The following RBM6 variants were observed in gnomAD, a reference collection of about 807,000 sequenced individuals.
RBM6 encodes RNA binding motif protein 6, also known as RNA-binding protein 6.
Under a neutral mutation model 140.4 loss-of-function variants are expected in RBM6, and 23 were observed. The ratio of observed to expected loss-of-function variants is 0.16; its 90% CI spans 0.12 to 0.23. The LOEUF (loss-of-function observed/expected upper bound fraction) is 0.23, where lower values mean the gene tolerates loss of function less well. Among genes scored for constraint, RBM6 ranks in the 10% least tolerant of loss-of-function variants. The pLI is 1.00. For missense variants in RBM6, 1,139 were observed against 1,386.7 expected (o/e 0.82, Z 2.84); for synonymous variants, 439 against 475.6 (o/e 0.92, Z 1.00).
intron 4 of RBM6, 103 bp from the exon 5 acceptor site, chr3:49,975,220 A>G: frequency 9.8e-7 from 1 of 1,024,186 alleles, no homozygotes; most frequent in South Asian, 1.3e-5. Flanking sequence ...TTCCAAAGTA[A>G]TCATGGCTTT....
intron 19 of RBM6, among the ~76,000 whole-genome samples, chr3:50,072,076 T>C (rs1197504312): frequency 1.8e-5 from 2 of 108,768 alleles, no homozygotes; most frequent in African/African-American, 3.7e-5. Context: ...AGAGCAAGAC[T>C]CTGTCTCAAA....
chr3:49,969,047 C>T (rs1294370901), intron 3 of RBM6, among the ~76,000 whole-genome samples: 4 of 149,134 alleles, frequency 2.7e-5, no homozygotes, highest in South Asian at 2.1e-4. Flanking sequence ...ATTTTTGAAA[C>T]GGAGTCTTGC....
chr3:50,057,604 A>G, intron 8 of RBM6, 124 bp from the exon 9 acceptor site: 3 of 534,232 alleles, frequency 5.6e-6, no homozygotes, highest in Non-Finnish European at 8.6e-6. Flanking sequence ...AAAAAAAAAA[A>G]AAAAAGGCAT....
At position 49,968,653 on chromosome 3, in the gene RBM6, G is replaced by T; in HGVS notation, c.1228G>T (p.Asp410Tyr). 1 of 1,614,104 alleles carries T rather than the reference G, an allele frequency of 6.2e-7. No individual in the cohort carries two copies. The highest frequency in any genetic ancestry group is 8.5e-7 in the Non-Finnish European group (1 of 1,180,016). Residue 410 changes from aspartate to tyrosine, a missense_variant, in exon 3 of 21, where the codon GAT becomes TAT. Transcript: ENST00000266022. ...CAGAAGCATGGAGTACCGTGATGTG[G>T]ATCATAGGCTGCCAGGAAGCCAGAT... is the stretch of plus-strand genomic sequence containing the variant. ...DYRSMEYRDV[D>Y]HRLPGSQMFG...
intron 6 of RBM6, among the ~76,000 whole-genome samples, chr3:50,041,942 A>T (rs776061591): frequency 6.6e-5 from 10 of 152,322 alleles, no homozygotes; most frequent in Admixed American, 2.6e-4. Flanking sequence ...AACAAAGACA[A>T]TATGGCAAAA....
At chr3:50,023,229 T>C (rs2087608800) in intron 6 of RBM6, among the ~76,000 whole-genome samples, 1 of 152,192 alleles carries the variant, frequency 6.6e-6, no homozygotes, top group Non-Finnish European at 1.5e-5. Flanking sequence ...TGCTTTCTTC[T>C]TCTTCTTTCT....
intron 5 of RBM6, among the ~76,000 whole-genome samples, chr3:49,977,398 C>T (rs1186981978): frequency 6.6e-6 from 1 of 152,202 alleles, no homozygotes; most frequent in Non-Finnish European, 1.5e-5. Flanking sequence ...TGTTTTCCAT[C>T]ATATCCTTGT....
At chr3:49,969,598 C>CTA (rs375281419) in intron 3 of RBM6, among the ~76,000 whole-genome samples, 34 of 147,930 alleles carry the variant, frequency 2.3e-4, no homozygotes, top group Non-Finnish European at 2.5e-4. Flanking sequence ...TATGAAGGAA[C>CTA]TATATATATA....
intron 1 of RBM6, among the ~76,000 whole-genome samples, chr3:49,942,294 C>T (rs11717829): frequency 0.079 from 11,642 of 147,720 alleles, 577 homozygotes; most frequent in Non-Finnish European, 0.1. Context: ...TCGAGACCAT[C>T]CTGGCTAACA....
chr3:50,005,917 G>GA (rs1294155172), intron 6 of RBM6, among the ~76,000 whole-genome samples: 2 of 151,416 alleles, frequency 1.3e-5, no homozygotes, highest in Admixed American at 6.6e-5. Flanking sequence ...AACCTAGCTA[G>GA]AAAAAAAAAT....
rs576067912 is a variant in RBM6 at position 50,012,187 on chromosome 3, T to G, written c.1557+12674T>G. Among the ~76,000 whole-genome samples, 150 of 152,118 alleles carry G rather than the reference T, an allele frequency of 9.9e-4. 1 individual carries two copies. Among genetic ancestry groups the G allele is most frequent in the African/African-American group, 3.3e-3 (138 of 41,506 alleles). On this transcript the variant is annotated intron_variant, in intron 6 of 20. Transcript: ENST00000266022. ...TCATTACCTCAATCGGATCCCCGTT[T>G]GGGGATACATTTACATTTTTAATTT...
intron 1 of RBM6, among the ~76,000 whole-genome samples, chr3:49,957,850 G>GGGATGGAGT (rs1212590214): frequency 1.2e-5 from 1 of 85,568 alleles, no homozygotes; most frequent in East Asian, 2.4e-4. Context: ...TTTTTTTTTT[G>GGGATGGAGT]GGATGGAGTC....
chr3:50,053,648 A>G (rs993652365), intron 7 of RBM6, among the ~76,000 whole-genome samples: 9 of 152,046 alleles, frequency 5.9e-5, no homozygotes, highest in Non-Finnish European at 1.0e-4. Context: ...CATCCTCTTT[A>G]TAGTTCTTAC....
intron 1 of RBM6, among the ~76,000 whole-genome samples, chr3:49,959,865 C>T (rs1032633303): frequency 6.6e-6 from 1 of 152,186 alleles, no homozygotes; most frequent in African/African-American, 2.4e-5. Context: ...AGCCCCCACG[C>T]CCGGCCTAGG....
chr3:50,052,954 G>A (rs2089531795), intron 7 of RBM6, among the ~76,000 whole-genome samples: 1 of 151,354 alleles, frequency 6.6e-6, no homozygotes, highest in African/African-American at 2.4e-5. Context: ...CACCCTGTGG[G>A]AAGGCATAAC....
chr3:50,051,077 T>C (rs574171957), intron 7 of RBM6, among the ~76,000 whole-genome samples: 1 of 152,196 alleles, frequency 6.6e-6, no homozygotes, highest in Admixed American at 6.6e-5. Flanking sequence ...GTGTGGCTCA[T>C]GGCTGTAATC....
intron 7 of RBM6, 114 bp from the exon 8 acceptor site, chr3:50,054,221 A>C: frequency 1.2e-6 from 1 of 833,966 alleles, no homozygotes; most frequent in South Asian, 1.5e-5. Flanking sequence ...TTAAGCTTTG[A>C]GGGGATCTGG....
intron 15 of RBM6, among the ~76,000 whole-genome samples, chr3:50,063,805 G>T (rs2090026546): frequency 1.3e-5 from 2 of 151,878 alleles, no homozygotes; most frequent in African/African-American, 4.8e-5. Flanking sequence ...GGAGGCTGAG[G>T]CAGGAGAATC....
At chr3:50,025,408 G>C (rs541420663) in intron 6 of RBM6, among the ~76,000 whole-genome samples, 15 of 151,472 alleles carry the variant, frequency 9.9e-5, no homozygotes, top group Non-Finnish European at 1.8e-4. Flanking sequence ...GGGTGACAGA[G>C]CGAGACTCTA....
Sources: allele counts gnomAD v4.1 joint callset (sites outside exome capture counted in the v4.1 genomes callset), GRCh38; gene constraint gnomAD v4.1.1; transcripts MANE v1.5; gene names NCBI Gene and HGNC (gene_info 2026-07-23, HGNC 2026-07-21).